Variants in OPRM1 observed in about 807,000 individuals in gnomAD.
OPRM1 encodes opioid receptor mu 1, also known as mu-type opioid receptor.
A neutral mutation model predicts 31.8 loss-of-function variants in OPRM1; 27 were observed. The observed-to-expected ratio is 0.85, with a 90% CI of 0.63 to 1.17. The LOEUF is 1.17. Among genes scored for constraint, OPRM1 ranks in the 50% most tolerant of loss-of-function variants. The pLI, the probability that OPRM1 is intolerant of heterozygous loss-of-function variation, is 0.00. For missense variants in OPRM1, 536 were observed against 511.1 expected, an observed-to-expected ratio of 1.05 and a Z score of -0.47; for synonymous variants, 196 against 189.9, an observed-to-expected ratio of 1.03 and a Z score of -0.26.
intron 3 of OPRM1, chr6:154,167,999 T>C: frequency 6.2e-7 from 1 of 1,611,942 alleles, no homozygotes; most frequent in Non-Finnish European, 8.5e-7. Flanking sequence ...AACAAAGGAT[T>C]TTCTCAACTC....
rs550972419 is a variant in OPRM1, at chr6:154,081,442, T to C, written c.291-8384T>C. ...AATGGCGTGAACCCGGGAGGCGGAG[T>C]TTGCAGTGAGCCGAGATCGCGCCAC... On this transcript the variant is annotated intron_variant, in intron 1 of 3. Coordinates refer to ENST00000330432, the MANE Select transcript of OPRM1 (RefSeq NM_000914.5). Among the ~76,000 whole-genome samples the C allele has an allele frequency of 7.3e-5, 11 of 151,614 alleles. No homozygotes were observed. The East Asian group carries it at 2.1e-3, about 30-fold the overall frequency.
intron 3 of OPRM1, among the ~76,000 whole-genome samples, chr6:154,093,857 C>G (rs1465089232): frequency 6.6e-6 from 1 of 152,180 alleles, no homozygotes; most frequent in African/African-American, 2.4e-5. Flanking sequence ...TACAACCAGA[C>G]AACTGGAACA....
chr6:154,192,346 GTGTGTGTA>G (rs1373963160), intron 3 of OPRM1, among the ~76,000 whole-genome samples: 1 of 151,386 alleles, frequency 6.6e-6, no homozygotes, highest in African/African-American at 2.4e-5. Context: ...GTGTGTGTGT[GTGTGTGTA>G]TGCATGTGTG....
At chr6:154,225,609 A>G (rs1411723649) in intron 3 of OPRM1, among the ~76,000 whole-genome samples, 2 of 152,196 alleles carry the variant, frequency 1.3e-5, no homozygotes, top group Non-Finnish European at 2.9e-5. Flanking sequence ...ATAGGGAGCA[A>G]CTGCTCAATG....
intron 3 of OPRM1, among the ~76,000 whole-genome samples, chr6:154,152,649 T>C (rs1254797092): frequency 6.6e-6 from 1 of 151,356 alleles, no homozygotes; most frequent in Non-Finnish European, 1.5e-5. Context: ...TGTCTTTAAA[T>C]GCAGGTATTG....
At chr6:154,028,838 G>A (rs1224454909) in intron 1 of OPRM1, among the ~76,000 whole-genome samples, 1 of 152,192 alleles carries the variant, frequency 6.6e-6, no homozygotes, top group East Asian at 1.9e-4. Context: ...GGGAATGGAG[G>A]AGGAATGGTG....
chr6:154,160,312 C>T (rs930965143), intron 3 of OPRM1, among the ~76,000 whole-genome samples: 1 of 152,184 alleles, frequency 6.6e-6, no homozygotes, highest in Admixed American at 6.5e-5. Context: ...CTGATCAATC[C>T]ATTATTCCAC....
chr6:154,043,475 G>A (rs958097018), intron 1 of OPRM1, among the ~76,000 whole-genome samples: 1 of 151,604 alleles, frequency 6.6e-6, no homozygotes, highest in Non-Finnish European at 1.5e-5. Context: ...CTAGATTCAG[G>A]TAGCTACAAA....
chr6:154,045,600 A>G (rs474466), intron 1 of OPRM1, among the ~76,000 whole-genome samples: 321 of 152,290 alleles, frequency 2.1e-3, no homozygotes, highest in Non-Finnish European at 3.6e-3. Flanking sequence ...ACGTTGTTTC[A>G]TATCCTTCTC....
rs1435257723 is a variant in OPRM1, at chr6:154,123,096, T to C, written c.*4375T>C. Reference sequence around the variant, plus strand: ...GTGGGTTGCTGTTTTTACAGCTGAATCCAAAAGCTTTTATAAGAAACTCCT... The same window carrying C: ...GTGGGTTGCTGTTTTTACAGCTGAACCCAAAAGCTTTTATAAGAAACTCCT... On this transcript the variant is annotated 3_prime_UTR_variant, in exon 4 of 4. Coordinates refer to ENST00000330432, the MANE Select transcript of OPRM1 (RefSeq NM_000914.5). Among the ~76,000 whole-genome samples the C allele has an allele frequency of 6.6e-6, 1 of 152,182 alleles. No homozygotes were observed. Among genetic ancestry groups the C allele is most frequent in the Non-Finnish European group, 1.5e-5 (1 of 68,016 alleles).
At chr6:154,058,864 TC>T (rs1472293281) in intron 1 of OPRM1, among the ~76,000 whole-genome samples, 1 of 152,316 alleles carries the variant, frequency 6.6e-6, no homozygotes, top group East Asian at 1.9e-4. Flanking sequence ...ATTAATATTT[TC>T]CAACTATTAC....
chr6:154,149,024 A>G (rs1462789997), intron 3 of OPRM1, among the ~76,000 whole-genome samples: 1 of 152,176 alleles, frequency 6.6e-6, no homozygotes, highest in African/African-American at 2.4e-5. Context: ...CACTTGCCCA[A>G]GTAAATGGTT....
chr6:154,088,403 A>G (rs894551987), intron 1 of OPRM1, among the ~76,000 whole-genome samples: 1 of 152,244 alleles, frequency 6.6e-6, no homozygotes, highest in Non-Finnish European at 1.5e-5. Flanking sequence ...TGATGTCATT[A>G]TCTTCATCAG....
At chr6:154,094,135 T>C in intron 3 of OPRM1, 7 of 835,148 alleles carry the variant, frequency 8.4e-6, no homozygotes, top group Non-Finnish European at 1.2e-5. Context: ...CTTATGTATT[T>C]GTACTTTCTT....
intron 3 of OPRM1, among the ~76,000 whole-genome samples, chr6:154,146,713 G>T (rs1454274277): frequency 6.6e-6 from 1 of 152,142 alleles, no homozygotes; most frequent in Admixed American, 6.5e-5. Context: ...TCCTTAATAT[G>T]CTGTGCTTCC....
upstream of OPRM1, among the ~76,000 whole-genome samples, chr6:154,034,455 G>A (rs934990128): frequency 1.3e-5 from 2 of 152,194 alleles, no homozygotes; most frequent in African/African-American, 2.4e-5. Flanking sequence ...GTCTGAGGCG[G>A]GAGAAAGGCG....
intron 3 of OPRM1, chr6:154,212,640 G>A: frequency 1.6e-6 from 1 of 632,320 alleles, no homozygotes. Flanking sequence ...AATTGCACTT[G>A]CTCGTTGGCA....
At chr6:154,186,746 G>A (rs924814770) in intron 3 of OPRM1, among the ~76,000 whole-genome samples, 1 of 151,826 alleles carries the variant, frequency 6.6e-6, no homozygotes, top group African/African-American at 2.4e-5. Flanking sequence ...TTAGTAGAGA[G>A]GGGGTTTCAC....
chr6:154,220,994 A>G (rs1778821546), intron 3 of OPRM1, among the ~76,000 whole-genome samples: 1 of 152,194 alleles, frequency 6.6e-6, no homozygotes, highest in African/African-American at 2.4e-5. Context: ...TCCTTTTAAC[A>G]TGTTCTTTTA....
Sources: allele counts gnomAD v4.1 joint callset (sites outside exome capture counted in the v4.1 genomes callset), GRCh38; gene constraint gnomAD v4.1.1; transcripts MANE v1.5; gene names NCBI Gene and HGNC (gene_info 2026-07-23, HGNC 2026-07-21).